The following CNTNAP2 variants were observed in gnomAD, a reference collection of about 807,000 sequenced individuals.
CNTNAP2 encodes contactin-associated protein-like 2.
CNTNAP2 carries 98 observed loss-of-function variants against 155.2 expected under a neutral mutation model. The ratio of observed to expected loss-of-function variants is 0.63; its 90% CI spans 0.54 to 0.75. The LOEUF (loss-of-function observed/expected upper bound fraction) is 0.75. CNTNAP2 is among the 30% of genes least tolerant of loss of function. CNTNAP2 has a pLI of 0.00. For missense variants in CNTNAP2, 1,727 were observed against 1,688.1 expected, an observed-to-expected ratio of 1.02 and a Z score of -0.40; for synonymous variants, 651 against 631.2, an observed-to-expected ratio of 1.03 and a Z score of -0.47.
chr7:147,936,325 T>C (rs1342067696), intron 14 of CNTNAP2, among the ~76,000 whole-genome samples: 1 of 151,994 alleles, frequency 6.6e-6, no homozygotes, highest in Non-Finnish European at 1.5e-5. Flanking sequence ...CACTCACTTA[T>C]TTTGATCCAG....
intron 1 of CNTNAP2, among the ~76,000 whole-genome samples, chr7:146,127,913 T>A (rs1385835728): frequency 6.6e-6 from 1 of 152,200 alleles, no homozygotes; most frequent in African/African-American, 2.4e-5. Flanking sequence ...GAATTTCATT[T>A]CCACTTTTAA....
At chr7:146,550,415 T>TTTTTTTTTTG (rs1798102005) in intron 1 of CNTNAP2, among the ~76,000 whole-genome samples, 3 of 115,760 alleles carry the variant, frequency 2.6e-5, no homozygotes, top group Non-Finnish European at 5.7e-5. Context: ...TTTTTTTTTT[T>TTTTTTTTTTG]TTTTTTTTTT....
At chr7:147,933,494 GAGAT>G (rs71183037) in intron 14 of CNTNAP2, among the ~76,000 whole-genome samples, 7,867 of 120,650 alleles carry the variant, frequency 0.065, 238 homozygotes, top group African/African-American at 0.073. Flanking sequence ...CAGAAAATGT[GAGAT>G]AGATAGATAG....
At chr7:147,575,531 G>GTGTGTGTGTGTA in intron 12 of CNTNAP2, among the ~76,000 whole-genome samples, 1 of 151,068 alleles carries the variant, frequency 6.6e-6, no homozygotes, top group Non-Finnish European at 1.5e-5. Context: ...GTGTGTGTGT[G>GTGTGTGTGTGTA]TGTGTATGTG....
chr7:147,438,421 A>G (rs760643139), intron 10 of CNTNAP2, among the ~76,000 whole-genome samples: 3 of 151,916 alleles, frequency 2.0e-5, no homozygotes, highest in South Asian at 2.1e-4. Flanking sequence ...ATTGATTTGC[A>G]TATGTTGAAT....
chr7:147,397,696 G>A (rs1317418924), intron 10 of CNTNAP2, among the ~76,000 whole-genome samples: 2 of 151,828 alleles, frequency 1.3e-5, no homozygotes, highest in Non-Finnish European at 2.9e-5. Flanking sequence ...CTCCTGGTGG[G>A]GAGACCAACA....
intron 15 of CNTNAP2, among the ~76,000 whole-genome samples, chr7:148,029,265 T>C (rs1430413437): frequency 6.6e-6 from 1 of 152,222 alleles, no homozygotes; most frequent in Admixed American, 6.5e-5. Flanking sequence ...ATGTCAGTGA[T>C]AAATTTCACC....
chr7:147,541,435 G>A (rs541066816), intron 11 of CNTNAP2, among the ~76,000 whole-genome samples: 1 of 152,294 alleles, frequency 6.6e-6, no homozygotes, highest in South Asian at 2.1e-4. Context: ...TGACACATAG[G>A]AAGAGCTCAA....
chr7:147,396,006 A>G lies in CNTNAP2; in HGVS notation c.1670+226A>G, dbSNP rs185522324. ...TATATCTATCATGTATATCATATATAGCATATATATGCTATATATGAGATA... is the reference window on the plus strand; with the variant it reads ...TATATCTATCATGTATATCATATATGGCATATATATGCTATATATGAGATA... On this transcript the variant is annotated intron_variant, in intron 10 of 23. Coordinates refer to ENST00000361727, the MANE Select transcript of CNTNAP2 (RefSeq NM_014141.6). 1.8e-3 allele frequency among the ~76,000 whole-genome samples: 263 copies of G among 149,014 alleles called. 1 individual carries two copies. The highest frequency in any genetic ancestry group is 6.2e-3 in the African/African-American group (252 of 40,936).
chr7:147,617,925 T>A (rs879754560), intron 12 of CNTNAP2, among the ~76,000 whole-genome samples: 2 of 152,156 alleles, frequency 1.3e-5, no homozygotes, highest in Admixed American at 1.3e-4. Flanking sequence ...CTGCAAAGCT[T>A]TGAGTTTTGA....
chr7:146,296,552 G>A (rs1800517769), intron 1 of CNTNAP2, among the ~76,000 whole-genome samples: 1 of 152,088 alleles, frequency 6.6e-6, no homozygotes, highest in Non-Finnish European at 1.5e-5. Flanking sequence ...GCAGACTTCA[G>A]GAGGTAGCAT....
intron 21 of CNTNAP2, 28 bp from the exon 22 acceptor site, chr7:148,383,621 A>G: frequency 5.6e-6 from 9 of 1,614,246 alleles, no homozygotes; most frequent in Non-Finnish European, 2.5e-6. Context: ...TGAGTCAAGT[A>G]ACATTTTCAT....
chr7:146,146,002 A>T (rs1156723211), intron 1 of CNTNAP2, among the ~76,000 whole-genome samples: 1 of 152,164 alleles, frequency 6.6e-6, no homozygotes, highest in Non-Finnish European at 1.5e-5. Flanking sequence ...ATACAATAAA[A>T]ATTTAAACCA....
intron 9 of CNTNAP2, among the ~76,000 whole-genome samples, chr7:147,353,926 G>T (rs9671537): frequency 6.6e-6 from 1 of 151,480 alleles, no homozygotes; most frequent in Non-Finnish European, 1.5e-5. Context: ...TTTGTTGGTC[G>T]CAAAAATGTC....
In CNTNAP2 at chr7:147,323,402, A is replaced by G. The variant is rs1584872793; in HGVS notation, c.1498+23112A>G. Reference sequence around the variant, plus strand: ...TGAGCGGCTTTGAGTGAGATTCTTAATCCTGAGTTCTAGTTTGATTGCACT... The same window carrying G: ...TGAGCGGCTTTGAGTGAGATTCTTAGTCCTGAGTTCTAGTTTGATTGCACT... On this transcript the variant is annotated intron_variant, in intron 9 of 23. Transcript: ENST00000361727. Among the ~76,000 whole-genome samples the G allele has an allele frequency of 3.7e-5, 5 of 134,698 alleles. No individual in the cohort carries two copies. The South Asian group carries it at 1.4e-3, about 37-fold the overall frequency. The allele number at this position is 134,698 out of a possible 152,430, so 88.4% of individuals were successfully genotyped here.
chr7:146,400,531 G>C (rs1359879216), intron 1 of CNTNAP2, among the ~76,000 whole-genome samples: 2 of 152,234 alleles, frequency 1.3e-5, no homozygotes, highest in African/African-American at 4.8e-5. Flanking sequence ...GTTAGTGAGA[G>C]AAGGAACAGG....
At chr7:147,566,135 C>T (rs986659785) in intron 12 of CNTNAP2, among the ~76,000 whole-genome samples, 2 of 143,630 alleles carry the variant, frequency 1.4e-5, no homozygotes, top group African/African-American at 2.6e-5. Context: ...AAAAAAAAAG[C>T]AAAAACAAAA....
chr7:147,269,513 A>G (rs1804691776), intron 8 of CNTNAP2, among the ~76,000 whole-genome samples: 1 of 152,204 alleles, frequency 6.6e-6, no homozygotes, highest in Non-Finnish European at 1.5e-5. Flanking sequence ...CGACTGCAAT[A>G]GTGCTATGAG....
chr7:147,447,050 G>C (rs1308729837), intron 10 of CNTNAP2, among the ~76,000 whole-genome samples: 1 of 152,126 alleles, frequency 6.6e-6, no homozygotes, highest in Non-Finnish European at 1.5e-5. Flanking sequence ...AAGGAAAGTA[G>C]TACAATCAGA....
Sources: gnomAD v4.1 joint callset for allele counts (sites outside exome capture counted in the v4.1 genomes callset) on GRCh38, gnomAD v4.1.1 for gene constraint, MANE v1.5 for transcripts, NCBI Gene and HGNC (gene_info 2026-07-23, HGNC 2026-07-21) for gene names.